The following TMPRSS11D variants were observed in gnomAD, a reference collection of about 807,000 sequenced individuals.
The protein encoded by TMPRSS11D is transmembrane serine protease 11D, also known as transmembrane protease serine 11D.
Under a neutral mutation model 44.4 loss-of-function variants are expected in TMPRSS11D, and 32 were observed. The ratio of observed to expected loss-of-function variants is 0.72; its 90% CI spans 0.54 to 0.97. The LOEUF is 0.97. TMPRSS11D is among the 50% of genes least tolerant of loss of function. The pLI, the probability that TMPRSS11D is intolerant of heterozygous loss-of-function variation, is 0.00. For missense variants in TMPRSS11D, 446 were observed against 502.6 expected, an observed-to-expected ratio of 0.89 and a Z score of 1.08; for synonymous variants, 179 against 177.9, an observed-to-expected ratio of 1.01 and a Z score of -0.05.
chr4:67,836,274 A>G (rs1718085400), intron 5 of TMPRSS11D, among the ~76,000 whole-genome samples: 1 of 152,018 alleles, frequency 6.6e-6, no homozygotes, highest in South Asian at 2.1e-4. Flanking sequence ...CAGTTTATGC[A>G]CCTCTACCTT....
At chr4:67,848,361 G>A (rs1038208469) in intron 3 of TMPRSS11D, among the ~76,000 whole-genome samples, 2 of 152,052 alleles carry the variant, frequency 1.3e-5, no homozygotes, top group Admixed American at 1.3e-4. Flanking sequence ...TTTCTAAATG[G>A]CCTCATTCAT....
In TMPRSS11D at chr4:67,834,353, A is replaced by G. The variant is rs149504862; in HGVS notation, c.514+730T>C. On this transcript the variant is annotated intron_variant, in intron 6 of 9. Transcript: ENST00000283916. Reference sequence around the variant, plus strand: ...CCTTTGTGGCATCTCCCAAACAAATACCCTAGTAAATTGCTTATCACAGTT... The same window carrying G: ...CCTTTGTGGCATCTCCCAAACAAATGCCCTAGTAAATTGCTTATCACAGTT... Among the ~76,000 whole-genome samples the G allele has an allele frequency of 8.9e-4, 136 of 152,232 alleles. 1 individual carries two copies. The highest frequency in any genetic ancestry group is 1.6e-3 in the Non-Finnish European group (110 of 68,014).
Position 67,827,492 on chromosome 4 carries a change from T to G in TMPRSS11D, c.721A>C (p.Thr241Pro). 6.2e-7 allele frequency: 1 copy of G among 1,608,462 alleles called. No individual in the cohort carries two copies. Among genetic ancestry groups the G allele is most frequent in the South Asian group, 1.1e-5 (1 of 90,250 alleles). ...GGAAATGTTGTGGAAATACCAGACG[T>G]GGCAATCCAGTCACGAGGATTAGAG... ...SNSNPRDWIATSGISTTFPKL... is the reference protein window; with the variant it reads ...SNSNPRDWIAPSGISTTFPKL... The change falls in exon 8 of 10, where the codon ACG (threonine) becomes CCG (proline). Residue 241 changes from threonine to proline, a missense_variant. Coordinates refer to ENST00000283916, the MANE Select transcript of TMPRSS11D (RefSeq NM_004262.3).
intron 4 of TMPRSS11D, among the ~76,000 whole-genome samples, chr4:67,839,900 A>G (rs1455087214): frequency 6.6e-6 from 1 of 151,618 alleles, no homozygotes; most frequent in Non-Finnish European, 1.5e-5. Context: ...TTACATATGT[A>G]TACATGTGCC....
chr4:67,852,332 T>C (rs568043926), intron 3 of TMPRSS11D, among the ~76,000 whole-genome samples: 212 of 152,220 alleles, frequency 1.4e-3, no homozygotes, highest in Non-Finnish European at 2.0e-3. Context: ...TGAGTGGGGC[T>C]CCGAGAAGAA....
intron 3 of TMPRSS11D, 127 bp downstream of exon 3, chr4:67,853,939 CAT>C (rs57057629): frequency 0.01 from 5,610 of 541,398 alleles, 208 homozygotes; most frequent in African/African-American, 0.091. Context: ...GAGAGAAACA[CAT>C]GTTTCACCAT....
chr4:67,832,865 CAGAT>C (rs1717980518), intron 7 of TMPRSS11D, among the ~76,000 whole-genome samples: 1 of 151,868 alleles, frequency 6.6e-6, no homozygotes, highest in African/African-American at 2.4e-5. Flanking sequence ...CACTAAGTCA[CAGAT>C]AACAGTGTTG....
chr4:67,852,642 T>C (rs1159381289), intron 3 of TMPRSS11D, among the ~76,000 whole-genome samples: 3 of 152,182 alleles, frequency 2.0e-5, no homozygotes, highest in African/African-American at 7.2e-5. Context: ...CGAAGTTAGA[T>C]ATATCATTTA....
At chr4:67,835,587 C>T (rs1440569231) in intron 5 of TMPRSS11D, among the ~76,000 whole-genome samples, 1 of 152,042 alleles carries the variant, frequency 6.6e-6, no homozygotes, top group African/African-American at 2.4e-5. Flanking sequence ...TATAGAGGAC[C>T]TGCCCTCACA....
intron 6 of TMPRSS11D, among the ~76,000 whole-genome samples, chr4:67,833,880 GA>G (rs1718008513): frequency 6.6e-6 from 1 of 152,086 alleles, no homozygotes; most frequent in South Asian, 2.1e-4. Flanking sequence ...GAAGTTGGAG[GA>G]AAACTGGTCT....
chr4:67,859,063 G>T (rs1718729927), intron 2 of TMPRSS11D, among the ~76,000 whole-genome samples: 2 of 151,996 alleles, frequency 1.3e-5, no homozygotes, highest in Non-Finnish European at 2.9e-5. Flanking sequence ...TAACTGTTAG[G>T]CTTGTAAGAC....
chr4:67,844,693 C>A (rs1053309695), intron 3 of TMPRSS11D, among the ~76,000 whole-genome samples: 1 of 151,908 alleles, frequency 6.6e-6, no homozygotes, highest in African/African-American at 2.4e-5. Context: ...GCAGGAGAAT[C>A]ACTTGAACCT....
At chr4:67,846,163 T>C (rs1050142936) in intron 3 of TMPRSS11D, among the ~76,000 whole-genome samples, 7 of 152,272 alleles carry the variant, frequency 4.6e-5, no homozygotes, top group African/African-American at 1.7e-4. Context: ...TATGTGGCAA[T>C]ATGATCTATC....
chr4:67,839,855 A>G (rs1225036306), intron 4 of TMPRSS11D, among the ~76,000 whole-genome samples: 1 of 151,392 alleles, frequency 6.6e-6, no homozygotes, highest in Non-Finnish European at 1.5e-5. Flanking sequence ...TTATACTTTA[A>G]GTTTTAGGGT....
intron 1 of TMPRSS11D, among the ~76,000 whole-genome samples, chr4:67,882,898 T>G (rs147951071): frequency 1.3e-5 from 2 of 152,160 alleles, no homozygotes; most frequent in East Asian, 1.9e-4. Flanking sequence ...AAACTCAGTA[T>G]GTAAATTACT....
chr4:67,830,252 T>C (rs557996754), intron 7 of TMPRSS11D, among the ~76,000 whole-genome samples: 43 of 152,094 alleles, frequency 2.8e-4, no homozygotes, highest in African/African-American at 9.6e-4. Flanking sequence ...CTTTAAGACA[T>C]GTATATTTCG....
In TMPRSS11D at chr4:67,868,113, T is replaced by C. The variant is rs140322972; in HGVS notation, c.9-8435A>G. ...ATAGAGAAATATATATATATATGAA[T>C]ACTACTCAACCATAAAAGGAATAAA... On this transcript the variant is annotated intron_variant, in intron 1 of 9. Transcript: ENST00000283916. 1.7e-3 allele frequency among the ~76,000 whole-genome samples: 255 copies of C among 152,124 alleles called. 7 individuals carry two copies. In the South Asian group the frequency reaches 0.051, roughly 30 times the overall value.
chr4:67,855,284 T>C (rs1718611579), intron 2 of TMPRSS11D, among the ~76,000 whole-genome samples: 1 of 149,242 alleles, frequency 6.7e-6, no homozygotes, highest in Admixed American at 6.7e-5. Flanking sequence ...AGGCCAATAT[T>C]ACTGATGAAC....
At chr4:67,835,575 A>G (rs1718062667) in intron 5 of TMPRSS11D, among the ~76,000 whole-genome samples, 1 of 152,142 alleles carries the variant, frequency 6.6e-6, no homozygotes, top group African/African-American at 2.4e-5. Flanking sequence ...CTGCGAGCAA[A>G]ATATAGAGGA....
Sources: allele counts gnomAD v4.1 joint callset (sites outside exome capture counted in the v4.1 genomes callset), GRCh38; gene constraint gnomAD v4.1.1; transcripts MANE v1.5; gene names NCBI Gene and HGNC (gene_info 2026-07-23, HGNC 2026-07-21).